TTLL10: variants seen among roughly 807,000 people sequenced by gnomAD.
The protein encoded by TTLL10 is tubulin tyrosine ligase like 10, also known as inactive polyglycylase TTLL10.
In TTLL10, 61 loss-of-function variants were observed where a neutral mutation model predicts 69.0. That is an observed-to-expected ratio of 0.88 (90% CI 0.72 to 1.09). The LOEUF (loss-of-function observed/expected upper bound fraction) is 1.09. TTLL10 is among the 50% of genes least tolerant of loss of function. The probability of loss-of-function intolerance (pLI) is 0.00; values close to 1 mark genes in which losing one functional copy is unlikely to be tolerated. For synonymous variants in TTLL10, 408 were observed against 393.3 expected, an observed-to-expected ratio of 1.04 and a Z score of -0.44; for missense variants, 962 against 945.9, an observed-to-expected ratio of 1.02 and a Z score of -0.22.
At chr1:1,184,155 A>C (rs1647175048) in intron 12 of TTLL10, 64 bp downstream of exon 12, 4 of 1,600,740 alleles carry the variant, frequency 2.5e-6, no homozygotes, top group Non-Finnish European at 3.4e-6. Flanking sequence ...GGAGGTTCTC[A>C]CTGCTAGGGG....
chr1:1,176,788 C>T (rs1308880976), intron 3 of TTLL10, among the ~76,000 whole-genome samples: 1 of 152,240 alleles, frequency 6.6e-6, no homozygotes, highest in Non-Finnish European at 1.5e-5. Flanking sequence ...CCCACAGTCC[C>T]ATCCCCAGGG....
Position 1,182,883 on chromosome 1 carries a change from G to C in TTLL10, c.924G>C (p.Gln308His). Reference sequence around the variant, plus strand: ...AGGCCGCGCTCTCTGCAGAAACCCAGATATGGATCTGCAAGCCCACAGCCT... The same window carrying C: ...AGGCCGCGCTCTCTGCAGAAACCCACATATGGATCTGCAAGCCCACAGCCT... The part of the protein sequence containing the change: ...EAFFTLFDET[Q>H]IWICKPTASN... Residue 308 changes from glutamine (Q) to histidine (H), a missense_variant, in exon 11 of 16, where the codon CAG (glutamine) becomes CAC (histidine). Gln to His is a conservative substitution (Grantham distance 24, BLOSUM62 0). Transcript: ENST00000379289. 6.3e-7 allele frequency: 1 copy of C among 1,583,534 alleles called. No individual in the cohort carries two copies.
rs1557472879 is a variant in TTLL10, at chr1:1,179,204, ACC to A, written c.-7_-6del. The A allele has an allele frequency of 6.5e-7, 1 of 1,530,126 alleles. No individual in the cohort carries two copies. Among genetic ancestry groups the A allele is most frequent in the Admixed American group, 2.1e-5 (1 of 48,564 alleles). The allele number at this position is 1,530,126 out of a possible 1,614,324, so 94.8% of individuals were successfully genotyped here. A position where few individuals can be genotyped will look rare whatever the true frequency, so the allele number is the denominator to read the frequency against. On this transcript the variant is annotated 5_prime_UTR_variant, in exon 4 of 16. Transcript: ENST00000379289. ...TTCCCTTCAGGGCCCTCGCCCGGGC[ACC>A]CCCCGGCCAATGGACCACAGCTGCA...
chr1:1,197,536 G>C lies in TTLL10; in HGVS notation c.1711G>C (p.Asp571His), dbSNP rs973463688. The part of the protein sequence containing the change: ...RFVLLHNGEA[D>H]PRPHLGGSCS... ...CGTGCTCCTGCACAACGGTGAGGCC[G>C]ACCCGCGGCCGCACCTGGGGGGCTC... Residue 571 changes from aspartate (D) to histidine (H), a missense_variant, in exon 16 of 16, where the codon GAC becomes CAC. Transcript: ENST00000379289. 1.3e-6 allele frequency: 2 copies of C among 1,528,870 alleles called. No individual in the cohort carries two copies. Among genetic ancestry groups the C allele is most frequent in the African/African-American group, 2.8e-5 (2 of 72,318 alleles). The allele number at this position is 1,528,870 out of a possible 1,614,324, so 94.7% of individuals were successfully genotyped here.
chr1:1,179,107 G>T, intron 3 of TTLL10, 82 bp from the exon 4 acceptor site: 1 of 963,654 alleles, frequency 1.0e-6, no homozygotes, highest in South Asian at 1.7e-5. Context: ...GGGTGGGCCT[G>T]ACTGCCTGCT....
chr1:1,188,957 C>T (rs1444438485), intron 13 of TTLL10, among the ~76,000 whole-genome samples: 1 of 152,038 alleles, frequency 6.6e-6, no homozygotes, highest in East Asian at 1.9e-4. Context: ...TTTGGATTGT[C>T]CATTGCTAGT....
intron 3 of TTLL10, chr1:1,176,483 G>T: frequency 2.3e-6 from 1 of 443,452 alleles, no homozygotes; most frequent in South Asian, 1.6e-5. Context: ...AGTCTTCCAG[G>T]CTTCCCGGAG....
rs777313895 is a variant in TTLL10, at chr1:1,180,044, C to G, written c.210C>G (p.His70Gln). Residue 70 changes from histidine to glutamine, a missense_variant, in exon 6 of 16, where the codon CAC becomes CAG. His to Gln is a conservative substitution (Grantham distance 24). Transcript: ENST00000379289. ...APGHCPVGPAHERPMGSSQEE... is the reference protein window; with the variant it reads ...APGHCPVGPAQERPMGSSQEE... ...CCACCCCGTTCACAGGCCCGGCCCACGAGAGGCCAATGGGGAGCAGCCAGG... is the reference window on the plus strand; with the variant it reads ...CCACCCCGTTCACAGGCCCGGCCCAGGAGAGGCCAATGGGGAGCAGCCAGG... The G allele has an allele frequency of 6.4e-7, 1 of 1,556,720 alleles. No individual in the cohort carries two copies. The highest frequency in any genetic ancestry group is 2.3e-5 in the East Asian group (1 of 44,078).
At position 1,179,324 on chromosome 1, in the gene TTLL10, C is replaced by T. The variant is rs980751638; in HGVS notation, c.109C>T (p.Arg37Ter). 16 of 1,551,080 alleles carry T rather than the reference C, an allele frequency of 1.0e-5. No individual in the cohort carries two copies. Among genetic ancestry groups the T allele is most frequent in the African/African-American group, 8.2e-5 (6 of 73,042 alleles). ...AAGGATCCAGCAGAGGCCTCGGGCT[C>T]GAGTCTCAGGTGAATAGAGCAGCCC... ...RPRIQQRPRARVSGTIPASRL... is the reference protein window; with the variant it reads ...RPRIQQRPRA Residue 37 changes from arginine (R) to a stop codon, truncating the protein, a stop_gained, in exon 4 of 16, where the codon CGA (arginine) becomes TGA (stop). Transcript: ENST00000379289. LOFTEE classifies it high-confidence loss of function.
At chr1:1,190,020 G>T (rs969627832) in intron 13 of TTLL10, among the ~76,000 whole-genome samples, 10 of 151,616 alleles carry the variant, frequency 6.6e-5, no homozygotes, top group African/African-American at 2.4e-4. Flanking sequence ...GCTGAGGCAG[G>T]AGAATCGCGT....
Position 1,197,555 on chromosome 1 carries a change from G to A in TTLL10, c.1730G>A (p.Gly577Glu), listed in dbSNP as rs1268823582. Residue 577 changes from glycine to glutamate, a missense_variant, in exon 16 of 16, where the codon GGG becomes GAG. Transcript: ENST00000379289. ...NGEADPRPHLGGSCSLRRWPP... is the reference protein window; with the variant it reads ...NGEADPRPHLEGSCSLRRWPP... ...GAGGCCGACCCGCGGCCGCACCTGG[G>A]GGGCTCGTGCAGCCTCCGCCGCTGG... The A allele has an allele frequency of 6.6e-7, 1 of 1,521,874 alleles. No individual in the cohort carries two copies. The highest frequency in any genetic ancestry group is 8.8e-7 in the Non-Finnish European group (1 of 1,139,230). The allele number at this position is 1,521,874 out of a possible 1,614,324, so 94.3% of individuals were successfully genotyped here.
chr1:1,190,247 CTT>C lies in TTLL10; in HGVS notation c.1401+5150_1401+5151del, dbSNP rs376649547. On this transcript the variant is annotated intron_variant, in intron 13 of 15. Coordinates refer to ENST00000379289, the MANE Select transcript of TTLL10 (RefSeq NM_001130045.2). ...ATTTTAGTAATTTGATTCTTCTCTC[CTT>C]TTTTTTTTTTTCTTTTTGGTCAGTT... 5.3e-3 allele frequency among the ~76,000 whole-genome samples: 751 copies of C among 142,646 alleles called. 9 individuals carry two copies. Among genetic ancestry groups the C allele is most frequent in the African/African-American group, 0.016 (611 of 39,052 alleles). The allele number at this position is 142,646 out of a possible 152,430, so 93.6% of individuals were successfully genotyped here.
At chr1:1,175,465 C>G (rs1455890922) in intron 3 of TTLL10, 2 of 360,302 alleles carry the variant, frequency 5.6e-6, no homozygotes, top group Non-Finnish European at 1.1e-5. Context: ...TCCATATCAT[C>G]CCGGCACGAA....
chr1:1,188,498 A>C (rs901601034), intron 13 of TTLL10, among the ~76,000 whole-genome samples: 20 of 149,762 alleles, frequency 1.3e-4, no homozygotes, highest in African/African-American at 4.9e-5. Flanking sequence ...CTCGCCTCCC[A>C]GGTTCAAGCG....
rs1028747087 is a variant in TTLL10 at position 1,179,009 on chromosome 1, G to A, written c.-27-180G>A. The stretch of plus-strand genomic sequence containing the variant: ...AGAGACAGCCTCGCCCCCACACGGC[G>A]CCAGGCCCCACAGCTGCCACAGAGA... On this transcript the variant is annotated intron_variant, in intron 3 of 15. Coordinates refer to ENST00000379289, the MANE Select transcript of TTLL10 (RefSeq NM_001130045.2). Among the ~76,000 whole-genome samples the A allele has an allele frequency of 5.9e-5, 9 of 152,222 alleles. No individual in the cohort carries two copies. The East Asian group carries it at 7.7e-4, about 13-fold the overall frequency.
At chr1:1,191,170 C>CTT (rs1177760262) in intron 13 of TTLL10, among the ~76,000 whole-genome samples, 1 of 152,196 alleles carries the variant, frequency 6.6e-6, no homozygotes. Flanking sequence ...CCATTGGTTG[C>CTT]TTAAGGGCCT....
chr1:1,193,821 T>G (rs991008270), intron 13 of TTLL10, among the ~76,000 whole-genome samples: 10 of 152,216 alleles, frequency 6.6e-5, no homozygotes, highest in African/African-American at 2.4e-4. Flanking sequence ...TTGAGTTATT[T>G]TAGTGGTTGT....
At position 1,197,671 on chromosome 1, in the gene TTLL10, C is replaced by A; in HGVS notation, c.1846C>A (p.Pro616Thr). The change falls in exon 16 of 16, where the codon CCC becomes ACC. Residue 616 changes from proline (P) to threonine (T), a missense_variant. Pro to Thr is a conservative substitution (Grantham distance 38). Transcript: ENST00000379289. ...GGGCGCCCGCAGGCCTGCGCCACCTCCCTTGGTGCCGCAGCGTCCCCGGCC... is the reference window on the plus strand; with the variant it reads ...GGGCGCCCGCAGGCCTGCGCCACCTACCTTGGTGCCGCAGCGTCCCCGGCC... The part of the protein sequence containing the change: ...QPGARRPAPP[P>T]LVPQRPRPPG... 1 of 1,503,458 alleles carries A rather than the reference C, an allele frequency of 6.7e-7. No homozygotes were observed. Among genetic ancestry groups the A allele is most frequent in the Non-Finnish European group, 8.8e-7 (1 of 1,133,396 alleles). The allele number at this position is 1,503,458 out of a possible 1,614,324, so 93.1% of individuals were successfully genotyped here.
At position 1,180,448 on chromosome 1, in the gene TTLL10, G is replaced by A. The variant is rs111543115; in HGVS notation, c.507-35G>A. The stretch of plus-strand genomic sequence containing the variant: ...CCCGCCATCCCCAACCCCTTGCCTC[G>A]GCCCCCAGGTCACCCCCGCCCCCAC... On this transcript the variant is annotated intron_variant, in intron 6 of 15. Coordinates refer to ENST00000379289, the MANE Select transcript of TTLL10 (RefSeq NM_001130045.2). 4.0e-5 allele frequency: 58 copies of A among 1,451,846 alleles called. 1 individual carries two copies. Among genetic ancestry groups the A allele is most frequent in the African/African-American group, 3.9e-4 (26 of 67,432 alleles). The allele number at this position is 1,451,846 out of a possible 1,614,324, so 89.9% of individuals were successfully genotyped here.
Sources: allele counts gnomAD v4.1 joint callset (sites outside exome capture counted in the v4.1 genomes callset), GRCh38; gene constraint gnomAD v4.1.1; transcripts MANE v1.5; gene names NCBI Gene and HGNC (gene_info 2026-07-23, HGNC 2026-07-21).